CAMK2D: variants seen among roughly 807,000 people sequenced by gnomAD.
CAMK2D encodes calcium/calmodulin-dependent protein kinase type II subunit delta.
In CAMK2D, 37 loss-of-function variants were observed where a neutral mutation model predicts 84.0. The ratio of observed to expected loss-of-function variants is 0.44; its 90% CI spans 0.34 to 0.58. CAMK2D has a LOEUF of 0.58. Ranked by LOEUF, CAMK2D falls within the 20% of genes least tolerant of loss-of-function variation. The pLI, the probability that CAMK2D is intolerant of heterozygous loss-of-function variation, is 0.02. For missense variants in CAMK2D, 448 were observed against 652.5 expected (o/e 0.69, Z 3.41); for synonymous variants, 202 against 212.5 (o/e 0.95, Z 0.43).
At chr4:113,732,749 A>G (rs1190445633) in intron 2 of CAMK2D, among the ~76,000 whole-genome samples, 1 of 152,170 alleles carries the variant, frequency 6.6e-6, no homozygotes, top group Non-Finnish European at 1.5e-5. Context: ...AAAAGGAGCT[A>G]AACGTGAATT....
intron 2 of CAMK2D, among the ~76,000 whole-genome samples, chr4:113,737,303 T>C (rs749819719): frequency 4.5e-4 from 68 of 152,300 alleles, no homozygotes; most frequent in Non-Finnish European, 7.5e-4. Flanking sequence ...GAACTATTAT[T>C]CATTCTTAAA....
chr4:113,585,804 A>T (rs1250353744), intron 4 of CAMK2D, among the ~76,000 whole-genome samples: 1 of 152,136 alleles, frequency 6.6e-6, no homozygotes, highest in African/African-American at 2.4e-5. Context: ...AGCACTTTTT[A>T]AAAATGCAGT....
chr4:113,676,852 C>G (rs2099320238), intron 2 of CAMK2D, among the ~76,000 whole-genome samples: 1 of 152,232 alleles, frequency 6.6e-6, no homozygotes, highest in African/African-American at 2.4e-5. Flanking sequence ...CCAATTCAAT[C>G]TATAACTGAT....
chr4:113,615,791 CT>C (rs1344047553), intron 3 of CAMK2D, among the ~76,000 whole-genome samples: 1 of 151,932 alleles, frequency 6.6e-6, no homozygotes, highest in East Asian at 1.9e-4. Context: ...AGCATTTATA[CT>C]TTGTCTTTTT....
At chr4:113,731,292 C>T (rs1462862963) in intron 2 of CAMK2D, among the ~76,000 whole-genome samples, 1 of 152,138 alleles carries the variant, frequency 6.6e-6, no homozygotes, top group Non-Finnish European at 1.5e-5. Context: ...TGTGTATTAG[C>T]ATTCCCGGGT....
intron 2 of CAMK2D, among the ~76,000 whole-genome samples, chr4:113,679,674 T>A (rs1051928656): frequency 6.6e-6 from 1 of 152,064 alleles, no homozygotes; most frequent in Non-Finnish European, 1.5e-5. Flanking sequence ...AACTGTGAAT[T>A]AAAGAACAAA....
chr4:113,757,617 C>G (rs138414581), intron 2 of CAMK2D, among the ~76,000 whole-genome samples: 2 of 152,212 alleles, frequency 1.3e-5, no homozygotes, highest in Admixed American at 1.3e-4. Flanking sequence ...AACTCTTCAC[C>G]CTAGTTCCTT....
At position 113,515,149 on chromosome 4, in the gene CAMK2D, C is replaced by A. The variant is rs1441650850; in HGVS notation, c.739G>T (p.Asp247Tyr). The change falls in exon 10 of 21, where the codon GAC becomes TAC. Residue 247 changes from aspartate (D) to tyrosine (Y), a missense_variant. Physicochemically the swap from Asp to Tyr is radical, Grantham distance 160. Coordinates refer to ENST00000511664, the MANE Select transcript of CAMK2D (RefSeq NM_001321571.2). ...ATAGTAAGCATTTTATTGATGAGGT[C>A]TTTGGCTTCAGGAGTCACCGTGTCC... ...EWDTVTPEAK[D>Y]LINKMLTINP... is the part of the protein sequence containing the mutation. 1 of 1,611,496 alleles carries A rather than the reference C, an allele frequency of 6.2e-7. No individual in the cohort carries two copies. The highest frequency in any genetic ancestry group is 8.5e-7 in the Non-Finnish European group (1 of 1,177,972).
intron 4 of CAMK2D, among the ~76,000 whole-genome samples, chr4:113,569,033 A>T (rs2098739433): frequency 6.6e-6 from 1 of 151,480 alleles, no homozygotes; most frequent in African/African-American, 2.4e-5. Context: ...CTCCTATTCT[A>T]TAGGTTATCT....
At chr4:113,560,551 G>A (rs1221746039) in intron 4 of CAMK2D, among the ~76,000 whole-genome samples, 1 of 151,964 alleles carries the variant, frequency 6.6e-6, no homozygotes, top group African/African-American at 2.4e-5. Context: ...CATTTACAGA[G>A]GAAATATGTA....
intron 4 of CAMK2D, among the ~76,000 whole-genome samples, chr4:113,593,119 G>A (rs992276971): frequency 3.3e-5 from 5 of 152,168 alleles, no homozygotes; most frequent in Non-Finnish European, 7.3e-5. Context: ...CTCCCAAAGT[G>A]CTGGGATTAC....
chr4:113,568,660 A>G (rs2098737449), intron 4 of CAMK2D, among the ~76,000 whole-genome samples: 1 of 152,178 alleles, frequency 6.6e-6, no homozygotes, highest in South Asian at 2.1e-4. Flanking sequence ...ACTTTTTTAC[A>G]CAGCTGCTGT....
At chr4:113,608,957 T>G (rs2098988541) in intron 4 of CAMK2D, among the ~76,000 whole-genome samples, 195 bp downstream of exon 4, 1 of 152,170 alleles carries the variant, frequency 6.6e-6, no homozygotes, top group African/African-American at 2.4e-5. Context: ...TAATTCAAAT[T>G]AAGGTTAAAT....
chr4:113,666,611 G>C (rs950499510), intron 2 of CAMK2D, among the ~76,000 whole-genome samples: 2 of 151,510 alleles, frequency 1.3e-5, no homozygotes, highest in African/African-American at 2.4e-5. Context: ...GCACACACAC[G>C]CACACGCAGG....
At chr4:113,700,126 A>C (rs2099413636) in intron 2 of CAMK2D, among the ~76,000 whole-genome samples, 1 of 152,164 alleles carries the variant, frequency 6.6e-6, no homozygotes, top group Non-Finnish European at 1.5e-5. Flanking sequence ...AAAGCCAGTC[A>C]AGATTGAGGC....
intron 20 of CAMK2D, among the ~76,000 whole-genome samples, chr4:113,454,978 G>C (rs1476699438): frequency 1.3e-5 from 2 of 152,176 alleles, no homozygotes; most frequent in East Asian, 3.8e-4. Context: ...CGAAAGTAGA[G>C]AGAACATGAT....
intron 16 of CAMK2D, among the ~76,000 whole-genome samples, chr4:113,481,303 T>C (rs1306563676): frequency 6.6e-6 from 1 of 152,148 alleles, no homozygotes; most frequent in African/African-American, 2.4e-5. Context: ...CTATTCTAGA[T>C]ACTATGAATA....
Position 113,600,771 on chromosome 4 carries a change from TA to T in CAMK2D, c.275+8380del, listed in dbSNP as rs1451250772. Among the ~76,000 whole-genome samples the T allele has an allele frequency of 8.8e-3, 1,342 of 152,238 alleles. 16 individuals carry two copies. Among genetic ancestry groups the T allele is most frequent in the African/African-American group, 0.031 (1,269 of 41,532 alleles). Reference sequence around the variant, plus strand: ...CCTCAGCCTCTCAAGTAGCTGGGACTACAGGTGCATACCACCACACCAGCTA... The same window carrying T: ...CCTCAGCCTCTCAAGTAGCTGGGACTCAGGTGCATACCACCACACCAGCTA... On this transcript the variant is annotated intron_variant, in intron 4 of 20. Transcript: ENST00000511664.
In CAMK2D at chr4:113,602,233, A is replaced by AT. The variant is rs367738693; in HGVS notation, c.275+6918dup. Among the ~76,000 whole-genome samples, 15 of 149,960 alleles carry AT rather than the reference A, an allele frequency of 1.0e-4. 1 individual carries two copies. The highest frequency in any genetic ancestry group is 3.4e-3 in the Middle Eastern group (1 of 292). ...ACGTTGTATTGTACTGTAATTACTA[A>AT]TTTTTTTTTTGGTCTCTTGAACAAG... On this transcript the variant is annotated intron_variant, in intron 4 of 20. Coordinates refer to ENST00000511664, the MANE Select transcript of CAMK2D (RefSeq NM_001321571.2).
Sources: allele counts gnomAD v4.1 joint callset (sites outside exome capture counted in the v4.1 genomes callset), GRCh38; gene constraint gnomAD v4.1.1; transcripts MANE v1.5; gene names NCBI Gene and HGNC (gene_info 2026-07-23, HGNC 2026-07-21).